SV2C: variants seen among roughly 807,000 people sequenced by gnomAD.
SV2C encodes the protein synaptic vesicle glycoprotein 2C, also known as solute carrier family 22 member B3.
SV2C carries 49 observed loss-of-function variants against 79.7 expected under a neutral mutation model. That is an observed-to-expected ratio of 0.61 (90% CI 0.49 to 0.78). The LOEUF is 0.78. Ranked by LOEUF, SV2C falls within the 30% of genes least tolerant of loss-of-function variation. SV2C has a pLI of 0.00. For missense variants in SV2C, 833 were observed against 912.9 expected, an observed-to-expected ratio of 0.91 and a Z score of 1.13; for synonymous variants, 334 against 333.2, an observed-to-expected ratio of 1.00 and a Z score of -0.03.
the SV2C span, among the ~76,000 whole-genome samples, chr5:75,866,292 T>C: frequency 2.0e-5 from 3 of 152,240 alleles, no homozygotes; most frequent in Admixed American, 2.0e-4. Context: ...AGTTTTATTA[T>C]TCTTAAAAAT....
At chr5:76,070,891 T>G in the SV2C span, among the ~76,000 whole-genome samples, 4 of 152,240 alleles carry the variant, frequency 2.6e-5, no homozygotes, top group Non-Finnish European at 5.9e-5. Flanking sequence ...TTCCAAGGAC[T>G]CCCTATGCCT....
chr5:76,207,172 A>G (rs1744632236), intron 3 of SV2C, among the ~76,000 whole-genome samples: 4 of 151,914 alleles, frequency 2.6e-5, no homozygotes, highest in Admixed American at 6.6e-5. Context: ...CTGCAAAAAA[A>G]AAAAAGAAAG....
rs144149043 is a variant in SV2C, at chr5:76,234,631, C to T, written c.913+24744C>T. ...TTTCTCCTGGTTGCCCACAGAATCA[C>T]TGCCACCGTCCTTAAAAACAAGCAT... is the stretch of plus-strand genomic sequence containing the variant. On this transcript the variant is annotated intron_variant, in intron 4 of 12. Transcript: ENST00000502798. 4.4e-3 allele frequency among the ~76,000 whole-genome samples: 669 copies of T among 152,342 alleles called. 2 individuals are homozygous for T. Among genetic ancestry groups the T allele is most frequent in the Non-Finnish European group, 6.7e-3 (455 of 68,026 alleles).
At chr5:76,191,141 G>A (rs371967957) in intron 2 of SV2C, among the ~76,000 whole-genome samples, 1 of 152,184 alleles carries the variant, frequency 6.6e-6, no homozygotes, top group East Asian at 1.9e-4. Context: ...GGGGAAGCAG[G>A]CATGTCTTAC....
At chr5:76,062,653 A>G in the SV2C span, among the ~76,000 whole-genome samples, 4 of 151,580 alleles carry the variant, frequency 2.6e-5, no homozygotes, top group African/African-American at 7.3e-5. Context: ...TAATTTTCCT[A>G]TGTTTAATTT....
At chr5:75,868,669 G>A in the SV2C span, among the ~76,000 whole-genome samples, 1 of 152,152 alleles carries the variant, frequency 6.6e-6, no homozygotes, top group African/African-American at 2.4e-5. Flanking sequence ...TAAGCTGAGG[G>A]TGGTGACATA....
At chr5:76,016,370 C>T in the SV2C span, among the ~76,000 whole-genome samples, 1 of 151,736 alleles carries the variant, frequency 6.6e-6, no homozygotes, top group Non-Finnish European at 1.5e-5. Context: ...TACCTGGGTC[C>T]CAGACCAACC....
chr5:76,063,987 C>T, the SV2C span, among the ~76,000 whole-genome samples: 10 of 151,920 alleles, frequency 6.6e-5, no homozygotes, highest in South Asian at 2.1e-4. Context: ...CTTACAAAAA[C>T]GATTTTTTAA....
chr5:76,218,684 G>A (rs1744975579), intron 4 of SV2C, among the ~76,000 whole-genome samples: 1 of 152,190 alleles, frequency 6.6e-6, no homozygotes, highest in Non-Finnish European at 1.5e-5. Flanking sequence ...GTTGATAGGT[G>A]CAGCAAATCA....
At chr5:75,976,981 A>T in the SV2C span, among the ~76,000 whole-genome samples, 3 of 152,264 alleles carry the variant, frequency 2.0e-5, no homozygotes, top group Non-Finnish European at 4.4e-5. Context: ...TTAATCTTAT[A>T]GCTGTTCCAG....
chr5:75,919,873 G>T, the SV2C span, among the ~76,000 whole-genome samples: 1 of 152,176 alleles, frequency 6.6e-6, no homozygotes, highest in Non-Finnish European at 1.5e-5. Context: ...GCCAAATTCT[G>T]TATTTCAAAC....
At chr5:76,348,343 T>G (rs774476995) in intron 12 of SV2C, among the ~76,000 whole-genome samples, 15 of 152,222 alleles carry the variant, frequency 9.9e-5, no homozygotes, top group Admixed American at 4.6e-4. Context: ...ATTCACCTAC[T>G]AACAAACATC....
chr5:76,016,254 TAAAA>T, the SV2C span, among the ~76,000 whole-genome samples: 5 of 90,374 alleles, frequency 5.5e-5, no homozygotes, highest in South Asian at 4.1e-4. Flanking sequence ...TTTAATTTTC[TAAAA>T]AAAAAAAAAA....
chr5:76,257,862 G>T (rs1256520721), intron 4 of SV2C, among the ~76,000 whole-genome samples: 5 of 151,290 alleles, frequency 3.3e-5, no homozygotes, highest in Non-Finnish European at 7.4e-5. Flanking sequence ...TATGTGGTGT[G>T]TGTGTGCAGT....
the SV2C span, among the ~76,000 whole-genome samples, chr5:76,033,840 G>A: frequency 0.41 from 62,286 of 150,710 alleles, 14,844 homozygotes; most frequent in Middle Eastern, 0.58. Context: ...ACCTTGGGCA[G>A]TATGGCCATT....
At chr5:76,027,911 T>G in the SV2C span, among the ~76,000 whole-genome samples, 1 of 152,228 alleles carries the variant, frequency 6.6e-6, no homozygotes, top group East Asian at 1.9e-4. Context: ...TGAGTACTAT[T>G]ACCTCTAATT....
intron 1 of SV2C, among the ~76,000 whole-genome samples, chr5:76,112,656 G>T (rs983180455): frequency 2.6e-5 from 4 of 152,226 alleles, no homozygotes; most frequent in South Asian, 4.1e-4. Context: ...CAGGTGACAC[G>T]TGATGGTGGC....
the SV2C span, among the ~76,000 whole-genome samples, chr5:75,858,981 T>C: frequency 6.6e-6 from 1 of 150,492 alleles, no homozygotes; most frequent in Non-Finnish European, 1.5e-5. Flanking sequence ...GTTTTCTCTC[T>C]TTTTTTTTCA....
chr5:76,019,109 C>A, the SV2C span, among the ~76,000 whole-genome samples: 1 of 152,028 alleles, frequency 6.6e-6, no homozygotes, highest in African/African-American at 2.4e-5. Flanking sequence ...AATAAAAACC[C>A]CTATCATTGG....
Sources: gnomAD v4.1 joint callset for allele counts (sites outside exome capture counted in the v4.1 genomes callset) on GRCh38, gnomAD v4.1.1 for gene constraint, MANE v1.5 for transcripts, NCBI Gene and HGNC (gene_info 2026-07-23, HGNC 2026-07-21) for gene names.